Variants in SCAPER observed in about 807,000 individuals in gnomAD.
SCAPER encodes S phase cyclin A-associated protein in the endoplasmic reticulum.
SCAPER carries 98 observed loss-of-function variants against 182.2 expected under a neutral mutation model. The ratio of observed to expected loss-of-function variants is 0.54; its 90% confidence interval spans 0.46 to 0.64. The LOEUF is 0.64. Among genes scored for constraint, SCAPER ranks in the 30% least tolerant of loss-of-function variants. The pLI is 0.00. For synonymous variants in SCAPER, 605 were observed against 564.6 expected (o/e 1.07, Z -1.01); for missense variants, 1,432 against 1,690.0 (o/e 0.85, Z 2.68).
chr15:76,517,444 G>C (rs915954848), intron 23 of SCAPER, among the ~76,000 whole-genome samples: 6 of 151,318 alleles, frequency 4.0e-5, no homozygotes, highest in African/African-American at 1.5e-4. Context: ...CTGCCTCCCG[G>C]GTTCAAGCCA....
intron 17 of SCAPER, among the ~76,000 whole-genome samples, chr15:76,715,609 G>C (rs1316103774): frequency 6.6e-6 from 1 of 151,946 alleles, no homozygotes; most frequent in East Asian, 1.9e-4. Flanking sequence ...ATAGAGCCTG[G>C]GCTATTATAC....
At chr15:76,634,880 A>G (rs1383519636) in intron 21 of SCAPER, among the ~76,000 whole-genome samples, 2 of 151,686 alleles carry the variant, frequency 1.3e-5, no homozygotes, top group African/African-American at 4.8e-5. Context: ...TGTATTATTT[A>G]TGATACTGTA....
At chr15:76,755,883 A>G (rs2062392571) in intron 14 of SCAPER, among the ~76,000 whole-genome samples, 1 of 152,208 alleles carries the variant, frequency 6.6e-6, no homozygotes, top group South Asian at 2.1e-4. Flanking sequence ...AACGAAGGCC[A>G]GCAAATAACT....
intron 24 of SCAPER, among the ~76,000 whole-genome samples, chr15:76,492,134 T>A (rs2052381087): frequency 1.3e-5 from 2 of 152,204 alleles, no homozygotes; most frequent in Non-Finnish European, 2.9e-5. Flanking sequence ...AACATAAAAA[T>A]ATACCCTGAT....
At chr15:76,586,208 T>C (rs1335166271) in intron 22 of SCAPER, among the ~76,000 whole-genome samples, 1 of 152,088 alleles carries the variant, frequency 6.6e-6, no homozygotes, top group Non-Finnish European at 1.5e-5. Context: ...ACTAGGATCA[T>C]TTAGAAGATT....
intron 29 of SCAPER, among the ~76,000 whole-genome samples, chr15:76,366,907 T>A (rs1596315151): frequency 6.6e-6 from 1 of 152,310 alleles, no homozygotes; most frequent in East Asian, 1.9e-4. Flanking sequence ...TTGGCAGCTG[T>A]GTCAAAACAG....
At chr15:76,526,328 T>C (rs760431140) in intron 23 of SCAPER, among the ~76,000 whole-genome samples, 4 of 152,218 alleles carry the variant, frequency 2.6e-5, no homozygotes, top group Non-Finnish European at 5.9e-5. Context: ...GCAGCTCTTA[T>C]CGCTAAGATG....
chr15:76,449,320 T>C (rs148812959), intron 25 of SCAPER, among the ~76,000 whole-genome samples: 50 of 152,316 alleles, frequency 3.3e-4, no homozygotes, highest in African/African-American at 1.0e-3. Context: ...GGAAAGAGCA[T>C]ATGTAATTTT....
intron 26 of SCAPER, among the ~76,000 whole-genome samples, chr15:76,423,239 C>T (rs2046177790): frequency 6.6e-6 from 1 of 152,118 alleles, no homozygotes; most frequent in South Asian, 2.1e-4. Context: ...GCTGTGAATC[C>T]ATCTGGTCCT....
At position 76,494,826 on chromosome 15, in the gene SCAPER, C is replaced by A. The variant is rs983072563; in HGVS notation, c.2954+10033G>T. Among the ~76,000 whole-genome samples, 3 of 152,140 alleles carry A rather than the reference C, an allele frequency of 2.0e-5. No individual in the cohort carries two copies. The East Asian group carries it at 5.8e-4, about 29-fold the overall frequency. The stretch of plus-strand genomic sequence containing the variant: ...TGATGTAAGCTCTTTGAAGACAAAA[C>A]TCATCACAGAAGAAATTCAACAAAT... On this transcript the variant is annotated intron_variant, in intron 24 of 31. Transcript: ENST00000563290.
At chr15:76,737,396 G>A (rs2061329799) in intron 15 of SCAPER, among the ~76,000 whole-genome samples, 1 of 152,190 alleles carries the variant, frequency 6.6e-6, no homozygotes, top group African/African-American at 2.4e-5. Flanking sequence ...TTCTGAGGTG[G>A]AGGTCTCAAC....
In SCAPER at chr15:76,355,623, T is replaced by C. The variant is rs16968120; in HGVS notation, c.3856-1483A>G. On this transcript the variant is annotated intron_variant, in intron 29 of 31. Transcript: ENST00000563290. ...GATCTTCATTGTTAAAACGCTATTA[T>C]TGGAAGATTTGCTAATTGAAAAATA... Among the ~76,000 whole-genome samples the C allele has an allele frequency of 1.4e-3, 206 of 152,306 alleles. 2 individuals are homozygous for C. The East Asian group carries it at 0.034, about 25-fold the overall frequency.
At chr15:76,887,819 G>A (rs529423318) in intron 1 of SCAPER, among the ~76,000 whole-genome samples, 2 of 152,326 alleles carry the variant, frequency 1.3e-5, no homozygotes, top group East Asian at 1.9e-4. Context: ...CCAGCATGGC[G>A]TTTGACCTCT....
intron 23 of SCAPER, among the ~76,000 whole-genome samples, chr15:76,512,009 G>C (rs879572507): frequency 2.0e-5 from 3 of 151,060 alleles, no homozygotes; most frequent in African/African-American, 7.3e-5. Context: ...CAGCCTCCCG[G>C]GTAGCTGGGA....
At chr15:76,764,895 A>C in intron 14 of SCAPER, 66 bp downstream of exon 14, 1 of 862,066 alleles carries the variant, frequency 1.2e-6, no homozygotes. Context: ...CTCAGACCAG[A>C]AGTAGAGTTG....
chr15:76,856,542 T>C (rs1389312568), intron 4 of SCAPER, among the ~76,000 whole-genome samples: 2 of 151,376 alleles, frequency 1.3e-5, no homozygotes, highest in African/African-American at 4.8e-5. Flanking sequence ...TAACTTTTTT[T>C]ACATATATAT....
chr15:76,554,964 A>G (rs1443429065), intron 23 of SCAPER, among the ~76,000 whole-genome samples: 1 of 152,054 alleles, frequency 6.6e-6, no homozygotes, highest in African/African-American at 2.4e-5. Flanking sequence ...TATTTTTAGT[A>G]GAGACAGGGT....
At chr15:76,885,795 A>T (rs532503969) in intron 1 of SCAPER, among the ~76,000 whole-genome samples, 1 of 152,278 alleles carries the variant, frequency 6.6e-6, no homozygotes, top group African/African-American at 2.4e-5. Flanking sequence ...GGCCCTATTT[A>T]AAATCATAAC....
At chr15:76,856,618 T>C (rs558649190) in intron 4 of SCAPER, among the ~76,000 whole-genome samples, 1 of 151,904 alleles carries the variant, frequency 6.6e-6, no homozygotes, top group East Asian at 1.9e-4. Context: ...CACAATGACA[T>C]CACGATTAGA....
Sources: gnomAD v4.1 joint callset for allele counts (sites outside exome capture counted in the v4.1 genomes callset) on GRCh38, gnomAD v4.1.1 for gene constraint, MANE v1.5 for transcripts, NCBI Gene and HGNC (gene_info 2026-07-23, HGNC 2026-07-21) for gene names.